Variants in PTPN13 observed in about 807,000 individuals in gnomAD.
PTPN13 encodes tyrosine-protein phosphatase non-receptor type 13.
Under a neutral mutation model 284.0 loss-of-function variants are expected in PTPN13, and 191 were observed. The ratio of observed to expected loss-of-function variants is 0.67; its 90% CI spans 0.60 to 0.76. The LOEUF is 0.76. Ranked by LOEUF, PTPN13 falls within the 30% of genes least tolerant of loss-of-function variation. PTPN13 has a pLI of 0.00. For synonymous variants in PTPN13, 986 were observed against 1,022.3 expected (o/e 0.96, Z 0.68); for missense variants, 2,797 against 2,939.9 (o/e 0.95, Z 1.12).
intron 1 of PTPN13, among the ~76,000 whole-genome samples, chr4:86,601,986 C>T (rs1764332116): frequency 6.6e-6 from 1 of 152,188 alleles, no homozygotes; most frequent in Admixed American, 6.5e-5. Flanking sequence ...GGCCACATAG[C>T]TTTAATCATC....
At chr4:86,777,369 C>T (rs1429177029) in intron 35 of PTPN13, among the ~76,000 whole-genome samples, 1 of 152,098 alleles carries the variant, frequency 6.6e-6, no homozygotes, top group African/African-American at 2.4e-5. Flanking sequence ...CTTCTGTTGC[C>T]ACGTCTCTTT....
rs1363156325 is a variant in PTPN13 at position 86,750,797 on chromosome 4, C to G, written c.2978C>G (p.Pro993Arg). ...KNVIVNMEPP[P>R]QTVAELVGKP... ...GTCATTGTTAACATGGAACCCCCAC[C>G]ACAAACCGTTGCAGAGTTGGTGGGA... Residue 993 changes from proline to arginine, a missense_variant, in exon 18 of 48, where the codon CCA (proline) becomes CGA (arginine). By Grantham distance (103) the Pro-to-Arg change is moderately radical. Transcript: ENST00000411767. 6.2e-7 allele frequency: 1 copy of G among 1,613,684 alleles called. No homozygotes were observed. The highest frequency in any genetic ancestry group is 8.5e-7 in the Non-Finnish European group (1 of 1,179,784).
At chr4:86,735,853 G>C (rs1565448123) in intron 15 of PTPN13, 107 bp downstream of exon 15, 1 of 963,712 alleles carries the variant, frequency 1.0e-6, no homozygotes, top group Non-Finnish European at 1.5e-6. Context: ...CTGATACTGT[G>C]CATAATCTCA....
chr4:86,712,719 G>A (rs72872228), intron 7 of PTPN13, among the ~76,000 whole-genome samples: 197 of 152,072 alleles, frequency 1.3e-3, no homozygotes, highest in African/African-American at 4.5e-3. Flanking sequence ...CCTCCTCCCC[G>A]AAGGTGTATT....
At chr4:86,778,268 T>C (rs936920937) in intron 35 of PTPN13, among the ~76,000 whole-genome samples, 10 of 152,208 alleles carry the variant, frequency 6.6e-5, no homozygotes, top group African/African-American at 2.2e-4. Flanking sequence ...GGGTTTAGGA[T>C]TTTACTGTAC....
intron 2 of PTPN13, among the ~76,000 whole-genome samples, chr4:86,670,171 CTTTTTTT>C (rs201314867): frequency 1.8e-5 from 2 of 110,278 alleles, no homozygotes; most frequent in Non-Finnish European, 3.8e-5. Flanking sequence ...TATCTTAATT[CTTTTTTT>C]TTTTTTTTTT....
At position 86,732,651 on chromosome 4, in the gene PTPN13, G is replaced by A. The variant is rs1475788543; in HGVS notation, c.1743G>A (p.Gly581=). The stretch of plus-strand genomic sequence containing the variant: ...AAGTAAACATAATGCTTCTGAACGG[G>A]CAAAGACTGGAACTGACCTGTGATA... ...RRKVNIMLLN[G]QRLELTCDTK... The change falls in exon 12 of 48, where the codon GGG becomes GGA. Residue 581 remains glycine (G), a synonymous_variant. Coordinates refer to ENST00000411767, the MANE Select transcript of PTPN13 (RefSeq NM_080683.3). 6.2e-7 allele frequency: 1 copy of A among 1,613,562 alleles called. No homozygotes were observed. The highest frequency in any genetic ancestry group is 1.1e-5 in the South Asian group (1 of 91,046).
chr4:86,731,881 A>C (rs1170137547), intron 10 of PTPN13, among the ~76,000 whole-genome samples: 3 of 152,128 alleles, frequency 2.0e-5, no homozygotes, highest in Non-Finnish European at 4.4e-5. Flanking sequence ...GCCTCAAGCG[A>C]TCCTCCTGCC....
intron 6 of PTPN13, among the ~76,000 whole-genome samples, chr4:86,698,304 G>C (rs1055326148): frequency 1.3e-5 from 2 of 152,154 alleles, no homozygotes; most frequent in African/African-American, 2.4e-5. Flanking sequence ...AGGAAAGACT[G>C]GGGGAGAATG....
chr4:86,624,619 T>C (rs2148675604), intron 1 of PTPN13, among the ~76,000 whole-genome samples: 2 of 152,290 alleles, frequency 1.3e-5, no homozygotes, highest in Admixed American at 1.3e-4. Flanking sequence ...CATCTTAGAA[T>C]TGATTAACAT....
At chr4:86,722,513 C>T in intron 10 of PTPN13, 79 bp downstream of exon 10, 2 of 1,174,156 alleles carry the variant, frequency 1.7e-6, no homozygotes, top group Non-Finnish European at 2.5e-6. Context: ...TTAAAAATTG[C>T]TACAGGTATC....
chr4:86,755,334 T>G (rs1737849275), intron 20 of PTPN13, among the ~76,000 whole-genome samples: 1 of 151,678 alleles, frequency 6.6e-6, no homozygotes, highest in African/African-American at 2.4e-5. Context: ...TAAATTGTGA[T>G]TTCAAAAACA....
chr4:86,688,446 A>T (rs1729663350), intron 4 of PTPN13, among the ~76,000 whole-genome samples: 1 of 152,054 alleles, frequency 6.6e-6, no homozygotes, highest in African/African-American at 2.4e-5. Context: ...TTGGCCATTC[A>T]GATATAATAT....
At chr4:86,732,286 T>G (rs1364736358) in intron 10 of PTPN13, 114 bp from the exon 11 acceptor site, 3 of 845,060 alleles carry the variant, frequency 3.6e-6, no homozygotes, top group Non-Finnish European at 5.4e-6. Flanking sequence ...CTAGTTCTAA[T>G]GTGGTGATTT....
At chr4:86,655,912 T>C (rs1405176704) in intron 2 of PTPN13, among the ~76,000 whole-genome samples, 1 of 152,160 alleles carries the variant, frequency 6.6e-6, no homozygotes, top group Non-Finnish European at 1.5e-5. Context: ...TTGACATAGT[T>C]CCATATTTCT....
chr4:86,791,962 G>A (rs543644226), intron 40 of PTPN13, among the ~76,000 whole-genome samples: 3 of 152,236 alleles, frequency 2.0e-5, no homozygotes, highest in East Asian at 3.9e-4. Context: ...CCAAAGGATC[G>A]CAGCTCCTTG....
At chr4:86,812,359 C>T (rs1470028755) in intron 47 of PTPN13, among the ~76,000 whole-genome samples, 1 of 147,094 alleles carries the variant, frequency 6.8e-6, no homozygotes, top group Non-Finnish European at 1.5e-5. Context: ...GCCTGGAGCA[C>T]ATCAGTGAAT....
intron 23 of PTPN13, among the ~76,000 whole-genome samples, 160 bp downstream of exon 23, chr4:86,759,233 GAGAT>G (rs1487028532): frequency 2.0e-5 from 3 of 152,142 alleles, no homozygotes; most frequent in Non-Finnish European, 4.4e-5. Context: ...TGTCAAATCA[GAGAT>G]AGAGTCATTT....
At chr4:86,715,953 C>T (rs771259399) in intron 7 of PTPN13, among the ~76,000 whole-genome samples, 3 of 152,198 alleles carry the variant, frequency 2.0e-5, no homozygotes, top group Non-Finnish European at 4.4e-5. Context: ...GCACACTCTG[C>T]ACAAACCTAC....
Sources: allele counts gnomAD v4.1 joint callset (sites outside exome capture counted in the v4.1 genomes callset), GRCh38; gene constraint gnomAD v4.1.1; transcripts MANE v1.5; gene names NCBI Gene and HGNC (gene_info 2026-07-23, HGNC 2026-07-21).